POLR2I: variants seen among roughly 807,000 people sequenced by gnomAD.
POLR2I encodes DNA-directed RNA polymerase II subunit RPB9.
In POLR2I, 15 loss-of-function variants were observed where a neutral mutation model predicts 23.0. The observed-to-expected ratio is 0.65, with a 90% CI of 0.44 to 1.00. The LOEUF (loss-of-function observed/expected upper bound fraction) is 1.00, where lower values mean the gene tolerates loss of function less well. Among genes scored for constraint, POLR2I ranks in the 50% least tolerant of loss-of-function variants. The pLI is 0.00. For synonymous variants in POLR2I, 72 were observed against 65.4 expected (o/e 1.10, Z -0.49); for missense variants, 120 against 173.7 (o/e 0.69, Z 1.74).
Position 36,114,145 on chromosome 19 carries a change from C to T in POLR2I, c.263+32G>A, listed in dbSNP as rs755138122. ...TCGCCCAGTGAGGAGACGAGCCTCACTTTACCTCCCCAGTACCAGCTGAAC... is the reference window on the plus strand; with the variant it reads ...TCGCCCAGTGAGGAGACGAGCCTCATTTTACCTCCCCAGTACCAGCTGAAC... On this transcript the variant is annotated intron_variant, in intron 4 of 5. Transcript: ENST00000221859. This position sits in a 1 kb window ranked among gnomAD's most constrained non-coding sequence, Gnocchi z 4.5. 5 of 1,614,020 alleles carry T rather than the reference C, an allele frequency of 3.1e-6. No homozygotes were observed. The highest frequency in any genetic ancestry group is 4.2e-6 in the Non-Finnish European group (5 of 1,179,900).
rs756522622 is a variant in POLR2I, at chr19:36,114,724, G to A, written c.60-11C>T. ...TACAGCATGTTGTTACTGTGGGGAG[G>A]GGGAGGTGCCAGGGGTTAGTTCTGG... On this transcript the variant is annotated splice_polypyrimidine_tract_variant and intron_variant, in intron 1 of 5. Transcript: ENST00000221859. This position sits in a 1 kb window ranked among gnomAD's most constrained non-coding sequence, Gnocchi z 4.5. 1 of 1,613,346 alleles carries A rather than the reference G, an allele frequency of 6.2e-7. No homozygotes were observed. The highest frequency in any genetic ancestry group is 1.1e-5 in the South Asian group (1 of 91,074).
chr19:36,114,335 T>A lies in POLR2I; in HGVS notation c.188+4A>T, dbSNP rs1226950558. 6.2e-7 allele frequency: 1 copy of A among 1,613,822 alleles called. No individual in the cohort carries two copies. The highest frequency in any genetic ancestry group is 8.5e-7 in the Non-Finnish European group (1 of 1,179,940). The stretch of plus-strand genomic sequence containing the variant: ...CCGCCCCCAGCTCAGGGCCCGCCAC[T>A]CACTCCACTTCGTGCGTGATCTTGT... On this transcript the variant is annotated splice_donor_region_variant and intron_variant, in intron 3 of 5. Transcript: ENST00000221859. The surrounding 1 kb of genome is among the most constrained non-coding windows in gnomAD (Gnocchi z 4.5).
Position 36,114,586 on chromosome 19 carries a change from TC to T in POLR2I, c.114+72del. ...AGCGGAGGGCGAACAGGGAGTCCGA[TC>T]ACAGAGGCAGGGGGCAGGGCGGGGC... On this transcript the variant is annotated intron_variant, in intron 2 of 5. Transcript: ENST00000221859. This position sits in a 1 kb window ranked among gnomAD's most constrained non-coding sequence, Gnocchi z 4.5. The T allele has an allele frequency of 6.9e-7, 1 of 1,454,656 alleles. No homozygotes were observed. Among genetic ancestry groups the T allele is most frequent in the Non-Finnish European group, 9.6e-7 (1 of 1,046,960 alleles). The allele number at this position is 1,454,656 out of a possible 1,614,324, so 90.1% of individuals were successfully genotyped here. A position where few individuals can be genotyped will look rare whatever the true frequency, so the allele number is the denominator to read the frequency against.
In POLR2I at chr19:36,114,477, A is replaced by AG. The variant is rs1449870165; in HGVS notation, c.115-66dup. On this transcript the variant is annotated intron_variant, in intron 2 of 5. Transcript: ENST00000221859. This position sits in a 1 kb window ranked among gnomAD's most constrained non-coding sequence, Gnocchi z 4.5. Reference sequence around the variant, plus strand: ...GGATTCCAGACAAGATTGGGAGGAGAGGGCAGGGTGATCCCGGAGGATATG... The same window carrying AG: ...GGATTCCAGACAAGATTGGGAGGAGAGGGGCAGGGTGATCCCGGAGGATATG... 2 of 1,487,770 alleles carry AG rather than the reference A, an allele frequency of 1.3e-6. No homozygotes were observed. The highest frequency in any genetic ancestry group is 1.4e-5 in the African/African-American group (1 of 72,342). 92.2% of individuals were successfully genotyped at this position (1,487,770 alleles called of 1,614,324 possible). A position where few individuals can be genotyped will look rare whatever the true frequency, so the allele number is the denominator to read the frequency against.
Position 36,114,745 on chromosome 19 carries a change from T to C in POLR2I, c.60-32A>G, listed in dbSNP as rs2227260. 1,017,090 of 1,613,480 alleles carry C rather than the reference T, an allele frequency of 0.63. 323,068 individuals are homozygous for C. The highest frequency in any genetic ancestry group is 0.8 in the East Asian group (35,824 of 44,852). ...GGAGGGGGAGGTGCCAGGGGTTAGT[T>C]CTGGAGCCATTCCTCGCCCGCCTTC... is the stretch of plus-strand genomic sequence containing the variant. On this transcript the variant is annotated intron_variant, in intron 1 of 5. Coordinates refer to ENST00000221859, the MANE Select transcript of POLR2I (RefSeq NM_006233.5). This position sits in a 1 kb window ranked among gnomAD's most constrained non-coding sequence, Gnocchi z 4.5.
chr19:36,114,497 G>A lies in POLR2I; in HGVS notation c.115-85C>T, dbSNP rs905101016. On this transcript the variant is annotated intron_variant, in intron 2 of 5. Coordinates refer to ENST00000221859, the MANE Select transcript of POLR2I (RefSeq NM_006233.5). This position sits in a 1 kb window ranked among gnomAD's most constrained non-coding sequence, Gnocchi z 4.5. ...AGGAGAGGGCAGGGTGATCCCGGAG[G>A]ATATGACGACAGGACTCTCTTTGGG... is the stretch of plus-strand genomic sequence containing the variant. 60 of 1,402,366 alleles carry A rather than the reference G, an allele frequency of 4.3e-5. No homozygotes were observed. The highest frequency in any genetic ancestry group is 4.5e-5 in the Non-Finnish European group (45 of 992,392). The allele number at this position is 1,402,366 out of a possible 1,614,324, so 86.9% of individuals were successfully genotyped here. A position where few individuals can be genotyped will look rare whatever the true frequency, so the allele number is the denominator to read the frequency against.
chr19:36,113,960 C>T, intron 5 of POLR2I, 55 bp downstream of exon 5: 1 of 1,599,926 alleles, frequency 6.3e-7, no homozygotes, highest in Non-Finnish European at 8.6e-7. Context: ...ATATCCCCGC[C>T]CCCAGAAAGG....
chr19:36,114,265 G>A lies in POLR2I; in HGVS notation c.189-14C>T. 2 of 1,613,818 alleles carry A rather than the reference G, an allele frequency of 1.2e-6. No individual in the cohort carries two copies. The highest frequency in any genetic ancestry group is 2.2e-5 in the South Asian group (2 of 91,066). On this transcript the variant is annotated splice_polypyrimidine_tract_variant and intron_variant, in intron 3 of 5. Coordinates refer to ENST00000221859, the MANE Select transcript of POLR2I (RefSeq NM_006233.5). The surrounding 1 kb of genome is among the most constrained non-coding windows in gnomAD (Gnocchi z 4.5). ...TGGGTCAGTTCGCTGCAGGGACGCG[G>A]GGGTGCAAAATTACGCTCAGACCCA... is the stretch of plus-strand genomic sequence containing the variant.
At position 36,114,629 on chromosome 19, in the gene POLR2I, G is replaced by GT; in HGVS notation, c.114+29_114+30insA. On this transcript the variant is annotated intron_variant, in intron 2 of 5. Coordinates refer to ENST00000221859, the MANE Select transcript of POLR2I (RefSeq NM_006233.5). The surrounding 1 kb of genome is among the most constrained non-coding windows in gnomAD (Gnocchi z 4.5). Reference sequence around the variant, plus strand: ...GGGCGGGGCCACGCTGGGAACAGGTGGACCTGCCGGGGAAGACCCCGGCGC... The same window carrying GT: ...GGGCGGGGCCACGCTGGGAACAGGTGTGACCTGCCGGGGAAGACCCCGGCGC... The GT allele has an allele frequency of 6.3e-7, 1 of 1,593,268 alleles. No homozygotes were observed. The highest frequency in any genetic ancestry group is 8.6e-7 in the Non-Finnish European group (1 of 1,165,504).
At position 36,114,315 on chromosome 19, in the gene POLR2I, C is replaced by T. The variant is rs1270942352; in HGVS notation, c.188+24G>A. ...AGCCTCCAGAGCCAACACCCCCGCCCCCAGCTCAGGGCCCGCCACTCACTC... is the reference window on the plus strand; with the variant it reads ...AGCCTCCAGAGCCAACACCCCCGCCTCCAGCTCAGGGCCCGCCACTCACTC... On this transcript the variant is annotated intron_variant, in intron 3 of 5. Coordinates refer to ENST00000221859, the MANE Select transcript of POLR2I (RefSeq NM_006233.5). The surrounding 1 kb of genome is among the most constrained non-coding windows in gnomAD (Gnocchi z 4.5). 2 of 1,613,662 alleles carry T rather than the reference C, an allele frequency of 1.2e-6. No homozygotes were observed. Among genetic ancestry groups the T allele is most frequent in the Non-Finnish European group, 1.7e-6 (2 of 1,179,776 alleles).
At position 36,114,443 on chromosome 19, in the gene POLR2I, G is replaced by T. The variant is rs767456172; in HGVS notation, c.115-31C>A. The T allele has an allele frequency of 7.5e-6, 12 of 1,597,704 alleles. No homozygotes were observed. In the East Asian group the frequency reaches 1.6e-4, roughly 21 times the overall value. Reference sequence around the variant, plus strand: ...AGAGGGCGAGTGTGGGGGAAAGGGGGTCACGGAAGGATTCCAGACAAGATT... The same window carrying T: ...AGAGGGCGAGTGTGGGGGAAAGGGGTTCACGGAAGGATTCCAGACAAGATT... On this transcript the variant is annotated intron_variant, in intron 2 of 5. Transcript: ENST00000221859. This position sits in a 1 kb window ranked among gnomAD's most constrained non-coding sequence, Gnocchi z 4.5.
Position 36,113,764 on chromosome 19 carries a change from C to G in POLR2I, c.369G>C (p.Trp123Cys). Reference sequence around the variant, plus strand: ...CGGGGGAGAGAGGAGGTCACTCGGTCCAGCGGTGGCCGCAGTGTGGGGCTG... The same window carrying G: ...CGGGGGAGAGAGGAGGTCACTCGGTGCAGCGGTGGCCGCAGTGTGGGGCTG... The part of the protein sequence containing the change: ...VCTAPHCGHR[W>C]TE Residue 123 changes from tryptophan (W) to cysteine (C), a missense_variant, in exon 6 of 6, where the codon TGG (tryptophan) becomes TGC (cysteine). Trp to Cys is a radical substitution (Grantham distance 215, BLOSUM62 -2). Transcript: ENST00000221859. 1 of 1,613,590 alleles carries G rather than the reference C, an allele frequency of 6.2e-7. No homozygotes were observed. The highest frequency in any genetic ancestry group is 8.5e-7 in the Non-Finnish European group (1 of 1,179,888).
chr19:36,114,299 A>G lies in POLR2I; in HGVS notation c.188+40T>C. On this transcript the variant is annotated intron_variant, in intron 3 of 5. Coordinates refer to ENST00000221859, the MANE Select transcript of POLR2I (RefSeq NM_006233.5). This position sits in a 1 kb window ranked among gnomAD's most constrained non-coding sequence, Gnocchi z 4.5. ...AATTACGCTCAGACCCAGCCTCCAG[A>G]GCCAACACCCCCGCCCCCAGCTCAG... is the stretch of plus-strand genomic sequence containing the variant. 1 of 1,612,630 alleles carries G rather than the reference A, an allele frequency of 6.2e-7. No individual in the cohort carries two copies. The highest frequency in any genetic ancestry group is 8.5e-7 in the Non-Finnish European group (1 of 1,179,368).
In POLR2I at chr19:36,114,576, G is replaced by A; in HGVS notation, c.114+83C>T. On this transcript the variant is annotated intron_variant, in intron 2 of 5. Transcript: ENST00000221859. The surrounding 1 kb of genome is among the most constrained non-coding windows in gnomAD (Gnocchi z 4.5). ...CTTGAGGTGCAGCGGAGGGCGAACA[G>A]GGAGTCCGATCACAGAGGCAGGGGG... The A allele has an allele frequency of 7.1e-7, 1 of 1,402,508 alleles. No individual in the cohort carries two copies. Among genetic ancestry groups the A allele is most frequent in the Non-Finnish European group, 1.0e-6 (1 of 1,000,216 alleles). The allele number at this position is 1,402,508 out of a possible 1,614,324, so 86.9% of individuals were successfully genotyped here.
In POLR2I at chr19:36,114,637, CG is replaced by C; in HGVS notation, c.114+21del. On this transcript the variant is annotated intron_variant, in intron 2 of 5. Transcript: ENST00000221859. This position sits in a 1 kb window ranked among gnomAD's most constrained non-coding sequence, Gnocchi z 4.5. ...CCACGCTGGGAACAGGTGGACCTGC[CG>C]GGGAAGACCCCGGCGCTCACCGCGT... The C allele has an allele frequency of 6.3e-7, 1 of 1,596,432 alleles. No individual in the cohort carries two copies. The highest frequency in any genetic ancestry group is 8.6e-7 in the Non-Finnish European group (1 of 1,167,628).
rs1973911887 is a variant in POLR2I at position 36,114,748 on chromosome 19, G to A, written c.60-35C>T. ...GGGGGAGGTGCCAGGGGTTAGTTCT[G>A]GAGCCATTCCTCGCCCGCCTTCTAA... On this transcript the variant is annotated intron_variant, in intron 1 of 5. Coordinates refer to ENST00000221859, the MANE Select transcript of POLR2I (RefSeq NM_006233.5). This position sits in a 1 kb window ranked among gnomAD's most constrained non-coding sequence, Gnocchi z 4.5. The A allele has an allele frequency of 6.2e-7, 1 of 1,613,654 alleles. No individual in the cohort carries two copies. Among genetic ancestry groups the A allele is most frequent in the Admixed American group, 1.7e-5 (1 of 59,994 alleles).
At chr19:36,113,943 C>A in intron 5 of POLR2I, 72 bp downstream of exon 5, 1 of 1,582,686 alleles carries the variant, frequency 6.3e-7, no homozygotes, top group Non-Finnish European at 8.7e-7. Context: ...CAGGGTCACC[C>A]ACATTGATAT....
Position 36,114,581 on chromosome 19 carries a change from T to A in POLR2I, c.114+78A>T, listed in dbSNP as rs540111520. 2.1e-4 allele frequency: 298 copies of A among 1,419,206 alleles called. 1 individual carries two copies. Among genetic ancestry groups the A allele is most frequent in the Middle Eastern group, 9.1e-4 (5 of 5,488 alleles). The allele number at this position is 1,419,206 out of a possible 1,614,324, so 87.9% of individuals were successfully genotyped here. ...GGTGCAGCGGAGGGCGAACAGGGAG[T>A]CCGATCACAGAGGCAGGGGGCAGGG... is the stretch of plus-strand genomic sequence containing the variant. On this transcript the variant is annotated intron_variant, in intron 2 of 5. Coordinates refer to ENST00000221859, the MANE Select transcript of POLR2I (RefSeq NM_006233.5). The surrounding 1 kb of genome is among the most constrained non-coding windows in gnomAD (Gnocchi z 4.5).
rs2145903847 is a variant in POLR2I at position 36,114,787 on chromosome 19, C to G, written c.59+11G>C. The G allele has an allele frequency of 6.2e-7, 1 of 1,614,216 alleles. No individual in the cohort carries two copies. The highest frequency in any genetic ancestry group is 1.3e-5 in the African/African-American group (1 of 75,062). On this transcript the variant is annotated intron_variant, in intron 1 of 5. Coordinates refer to ENST00000221859, the MANE Select transcript of POLR2I (RefSeq NM_006233.5). This position sits in a 1 kb window ranked among gnomAD's most constrained non-coding sequence, Gnocchi z 4.5. ...CCCGCCTTCTAACATCACCCGCTCC[C>G]TCCGCCTCACCATTCCTGGCAGAAG...
Sources: gnomAD v4.1 joint callset for allele counts on GRCh38, gnomAD v4.1.1 for gene constraint, Gnocchi (gnomAD v3.1) non-coding constraint, MANE v1.5 for transcripts, NCBI Gene and HGNC (gene_info 2026-07-23, HGNC 2026-07-21) for gene names.